The following ANKRD45 variants were observed in gnomAD, a reference collection of about 807,000 sequenced individuals.
ANKRD45 encodes the protein ankyrin repeat domain 45, also known as ankyrin repeat domain-containing protein 45.
In ANKRD45, 21 loss-of-function variants were observed where a neutral mutation model predicts 28.1. The observed-to-expected ratio is 0.75, with a 90% CI of 0.53 to 1.08. The LOEUF (loss-of-function observed/expected upper bound fraction) is 1.08. Ranked by LOEUF, ANKRD45 falls within the 50% of genes least tolerant of loss-of-function variation. The probability of loss-of-function intolerance (pLI) is 0.00; values close to 1 mark genes in which losing one functional copy is unlikely to be tolerated. For missense variants in ANKRD45, 261 were observed against 308.7 expected (o/e 0.85, Z 1.16); for synonymous variants, 86 against 103.9 (o/e 0.83, Z 1.05).
At chr1:173,635,478 A>C (rs1300688261) in intron 3 of ANKRD45, 1 of 1,376,946 alleles carries the variant, frequency 7.3e-7, no homozygotes, top group Admixed American at 2.6e-5. Context: ...GCTATTTTAA[A>C]ATAGCTAAAT....
intron 5 of ANKRD45, among the ~76,000 whole-genome samples, chr1:173,613,013 C>A (rs1270522425): frequency 1.3e-5 from 2 of 152,140 alleles, no homozygotes; most frequent in Admixed American, 1.3e-4. Flanking sequence ...CGGCCGCCAC[C>A]CCGTCTGGGA....
chr1:173,623,719 T>C (rs981182369), intron 5 of ANKRD45, among the ~76,000 whole-genome samples: 3 of 152,034 alleles, frequency 2.0e-5, no homozygotes, highest in African/African-American at 7.2e-5. Flanking sequence ...CAAATGCCTA[T>C]CAATGATAGA....
intron 5 of ANKRD45, chr1:173,612,589 C>T (rs1667214889): frequency 6.6e-6 from 1 of 152,568 alleles, no homozygotes; most frequent in African/African-American, 2.4e-5. Context: ...CCCTCTCCCT[C>T]TCCCCACGGT....
chr1:173,613,264 G>C (rs1667267960), intron 5 of ANKRD45, among the ~76,000 whole-genome samples: 1 of 151,562 alleles, frequency 6.6e-6, no homozygotes, highest in African/African-American at 2.4e-5. Flanking sequence ...GAGGTGAGGA[G>C]CGTCTCTGCC....
chr1:173,620,239 C>A (rs1324770522), intron 5 of ANKRD45, among the ~76,000 whole-genome samples: 1 of 152,166 alleles, frequency 6.6e-6, no homozygotes, highest in Non-Finnish European at 1.5e-5. Flanking sequence ...GAACTGAAAT[C>A]ATAACAAACT....
upstream of ANKRD45, among the ~76,000 whole-genome samples, chr1:173,672,964 C>T (rs1670304693): frequency 6.6e-6 from 1 of 152,106 alleles, no homozygotes; most frequent in South Asian, 2.1e-4. Flanking sequence ...AATGATTAAG[C>T]ACTATTCAAA....
chr1:173,681,715 A>C, the ANKRD45 span, among the ~76,000 whole-genome samples: 2 of 152,158 alleles, frequency 1.3e-5, no homozygotes, highest in Non-Finnish European at 2.9e-5. Context: ...TTACATCAGA[A>C]GGTAAGGAGA....
At chr1:173,687,454 ACC>A in the ANKRD45 span, among the ~76,000 whole-genome samples, 362 of 74,484 alleles carry the variant, frequency 4.9e-3, 7 homozygotes, top group African/African-American at 0.012. Context: ...TATAAATTCT[ACC>A]CCCCCCCCAC....
At chr1:173,664,047 AC>A (rs1432020643) in intron 1 of ANKRD45, among the ~76,000 whole-genome samples, 3 of 152,142 alleles carry the variant, frequency 2.0e-5, no homozygotes, top group Non-Finnish European at 2.9e-5. Flanking sequence ...TACTAAACTG[AC>A]TGTATGACCC....
chr1:173,659,144 A>T lies in ANKRD45; in HGVS notation c.275T>A (p.Val92Glu), dbSNP rs776440432. The T allele has an allele frequency of 6.2e-7, 1 of 1,614,182 alleles. No homozygotes were observed. The highest frequency in any genetic ancestry group is 8.5e-7 in the Non-Finnish European group (1 of 1,180,022). Residue 92 changes from valine to glutamate, a missense_variant, in exon 2 of 6, where the codon GTG becomes GAG. Transcript: ENST00000333279. ...YAACMAGQSD[V>E]IRALAKYGVN... ...ACCATATTTTGCCAAAGCTCTAATCACGTCACTTTGCCCAGCCATGCAAGC... is the reference window on the plus strand; with the variant it reads ...ACCATATTTTGCCAAAGCTCTAATCTCGTCACTTTGCCCAGCCATGCAAGC...
intron 3 of ANKRD45, among the ~76,000 whole-genome samples, chr1:173,629,570 T>C (rs1439211538): frequency 6.6e-6 from 1 of 151,454 alleles, no homozygotes; most frequent in Non-Finnish European, 1.5e-5. Context: ...AAGAAAGAAC[T>C]AGTAAGCCTA....
chr1:173,662,300 G>T (rs1248600211), intron 1 of ANKRD45, among the ~76,000 whole-genome samples: 1 of 152,110 alleles, frequency 6.6e-6, no homozygotes, highest in Admixed American at 6.6e-5. Context: ...AAAATAAATA[G>T]GATAATAGTC....
At chr1:173,688,401 T>C in the ANKRD45 span, among the ~76,000 whole-genome samples, 1 of 138,360 alleles carries the variant, frequency 7.2e-6, no homozygotes, top group Non-Finnish European at 1.5e-5. Context: ...TCTTCCTCTC[T>C]CTGCCTCTTC....
At chr1:173,619,732 G>A (rs1441165917) in intron 5 of ANKRD45, among the ~76,000 whole-genome samples, 1 of 151,748 alleles carries the variant, frequency 6.6e-6, no homozygotes, top group Non-Finnish European at 1.5e-5. Flanking sequence ...GGAGGGGGAG[G>A]CAGAAGAATC....
chr1:173,705,501 GAAA>G, the ANKRD45 span, among the ~76,000 whole-genome samples: 1 of 126,046 alleles, frequency 7.9e-6, no homozygotes, highest in Admixed American at 8.2e-5. Context: ...TGTCTCTATA[GAAA>G]AAAAAAAAAA....
chr1:173,668,921 T>C (rs752347492), intron 1 of ANKRD45, among the ~76,000 whole-genome samples: 1 of 152,248 alleles, frequency 6.6e-6, no homozygotes, highest in Non-Finnish European at 1.5e-5. Flanking sequence ...ATTCTGTTAC[T>C]AATTATGTGA....
At chr1:173,630,288 G>T (rs1668130888) in intron 3 of ANKRD45, among the ~76,000 whole-genome samples, 3 of 152,184 alleles carry the variant, frequency 2.0e-5, no homozygotes, top group African/African-American at 7.2e-5. Flanking sequence ...CTGTAATTAT[G>T]GTGGGTAAAC....
Position 173,608,423 on chromosome 1 carries a change from T to C in ANKRD45, c.*1722A>G, listed in dbSNP as rs1667014941. ...ACCTCCACCTCCCGGGCTCAGGTGA[T>C]TCTCCTGCCTCAGCCTCCCAAGTCA... On this transcript the variant is annotated 3_prime_UTR_variant, in exon 6 of 6. Coordinates refer to ENST00000333279, the MANE Select transcript of ANKRD45 (RefSeq NM_198493.3). Among the ~76,000 whole-genome samples, 1 of 152,148 alleles carries C rather than the reference T, an allele frequency of 6.6e-6. No homozygotes were observed. Among genetic ancestry groups the C allele is most frequent in the Non-Finnish European group, 1.5e-5 (1 of 68,018 alleles).
the ANKRD45 span, among the ~76,000 whole-genome samples, chr1:173,698,876 C>A: frequency 6.6e-6 from 1 of 151,258 alleles, no homozygotes; most frequent in Non-Finnish European, 1.5e-5. Context: ...ATCAATGAAT[C>A]CAGGAGCTGT....
Sources: allele counts gnomAD v4.1 joint callset (sites outside exome capture counted in the v4.1 genomes callset), GRCh38; gene constraint gnomAD v4.1.1; transcripts MANE v1.5; gene names NCBI Gene and HGNC (gene_info 2026-07-23, HGNC 2026-07-21).